Variants in ERBB4 observed in about 807,000 individuals in gnomAD.
ERBB4 encodes the protein receptor tyrosine-protein kinase erbB-4.
Under a neutral mutation model 158.0 loss-of-function variants are expected in ERBB4, and 42 were observed. The ratio of observed to expected loss-of-function variants is 0.27; its 90% confidence interval spans 0.21 to 0.34. The LOEUF is 0.34. ERBB4 is among the 10% of genes least tolerant of loss of function. The probability of loss-of-function intolerance (pLI) is 1.00; values close to 1 mark genes in which losing one functional copy is unlikely to be tolerated. For missense variants in ERBB4, 1,333 were observed against 1,624.1 expected (o/e 0.82, Z 3.08); for synonymous variants, 583 against 558.7 (o/e 1.04, Z -0.61).
rs527352578 is a variant in ERBB4 at position 211,491,555 on chromosome 2, C to T, written c.2488-60455G>A. 2.2e-4 allele frequency among the ~76,000 whole-genome samples: 34 copies of T among 152,022 alleles called. No homozygotes were observed. In the East Asian group the frequency reaches 3.9e-3, roughly 17 times the overall value. On this transcript the variant is annotated intron_variant, in intron 20 of 27. Transcript: ENST00000342788. ...GAACTCCATTCTAATTATAAAACTA[C>T]GTACATCATTAAATATTGATTGAAC...
rs1553630513 is a variant in ERBB4, at chr2:211,773,633, T to TATATATA, written c.556+14385_556+14391dup. On this transcript the variant is annotated intron_variant, in intron 4 of 27. Coordinates refer to ENST00000342788, the MANE Select transcript of ERBB4 (RefSeq NM_005235.3). Reference sequence around the variant, plus strand: ...ATATATATATATATATATATATATATATATATATATATATAATATATATAC... The same window carrying TATATATA: ...ATATATATATATATATATATATATATATATATAATATATATATATATAATATATATAC... Among the ~76,000 whole-genome samples, 547 of 102,802 alleles carry TATATATA rather than the reference T, an allele frequency of 5.3e-3. 17 individuals are homozygous for TATATATA. The highest frequency in any genetic ancestry group is 0.017 in the African/African-American group (371 of 21,952). The allele number at this position is 102,802 out of a possible 152,430, so 67.4% of individuals were successfully genotyped here. A position where few individuals can be genotyped will look rare whatever the true frequency, so the allele number is the denominator to read the frequency against.
chr2:211,968,593 TTC>T (rs1169067028), intron 2 of ERBB4, among the ~76,000 whole-genome samples: 1 of 152,008 alleles, frequency 6.6e-6, no homozygotes, highest in African/African-American at 2.4e-5. Context: ...TATTGCTCTG[TTC>T]TCTTTTTATT....
intron 1 of ERBB4, among the ~76,000 whole-genome samples, chr2:212,316,936 G>C (rs565892036): frequency 3.3e-5 from 5 of 151,596 alleles, no homozygotes; most frequent in African/African-American, 1.2e-4. Context: ...GTACTCAGCT[G>C]CAAGTCGCAG....
intron 2 of ERBB4, among the ~76,000 whole-genome samples, chr2:211,983,258 A>G (rs2081853699): frequency 6.6e-6 from 1 of 152,000 alleles, no homozygotes; most frequent in African/African-American, 2.4e-5. Flanking sequence ...AAAGAAATGG[A>G]GTGATTTAAG....
chr2:212,420,196 C>T (rs952656906), intron 1 of ERBB4, among the ~76,000 whole-genome samples: 1 of 151,948 alleles, frequency 6.6e-6, no homozygotes, highest in Non-Finnish European at 1.5e-5. Context: ...AAAAGTACAG[C>T]CAATTATGTC....
At chr2:211,675,781 A>ATATAT in intron 13 of ERBB4, among the ~76,000 whole-genome samples, 1 of 76,976 alleles carries the variant, frequency 1.3e-5, no homozygotes, top group Non-Finnish European at 2.8e-5. Flanking sequence ...ATATATATAT[A>ATATAT]AAATATAATA....
chr2:212,018,970 C>T (rs188199287), intron 2 of ERBB4, among the ~76,000 whole-genome samples: 4 of 151,986 alleles, frequency 2.6e-5, no homozygotes, highest in Admixed American at 6.6e-5. Flanking sequence ...TGAGGGGGAG[C>T]GGTGGTTATG....
intron 1 of ERBB4, among the ~76,000 whole-genome samples, chr2:212,278,502 G>A (rs773952681): frequency 4.0e-5 from 6 of 151,518 alleles, no homozygotes; most frequent in African/African-American, 9.7e-5. Context: ...AATCACATTG[G>A]GCCAAGCAGA....
intron 4 of ERBB4, among the ~76,000 whole-genome samples, chr2:211,774,853 A>T (rs534137382): frequency 4.2e-4 from 64 of 152,338 alleles, no homozygotes; most frequent in African/African-American, 1.5e-3. Flanking sequence ...ATGTAAGCTT[A>T]TGCAATGGAG....
intron 3 of ERBB4, among the ~76,000 whole-genome samples, chr2:211,896,093 C>T (rs1233222199): frequency 1.3e-5 from 2 of 152,116 alleles, no homozygotes; most frequent in African/African-American, 4.8e-5. Context: ...GGTGTTTTCA[C>T]CAAGTTTCAT....
intron 1 of ERBB4, among the ~76,000 whole-genome samples, chr2:212,503,217 T>A (rs1690995968): frequency 6.6e-6 from 1 of 152,222 alleles, no homozygotes; most frequent in South Asian, 2.1e-4. Flanking sequence ...GTTTTTGTTG[T>A]TGTTTTGTTC....
chr2:212,538,462 G>A lies in ERBB4; in HGVS notation c.69C>T (p.Ser23=), dbSNP rs1407234754. 6.2e-7 allele frequency: 1 copy of A among 1,613,850 alleles called. No individual in the cohort carries two copies. ...GAAGGAACCCACCTGACTGAGAATC[G>A]CTGGGCTGGACGGTCCCCGCCGCCA... ...LLVAAGTVQP[S]DSQSVCAGTE... Residue 23 remains serine (S), a synonymous_variant, in exon 1 of 28, where the codon AGC becomes AGT. Transcript: ENST00000342788.
intron 1 of ERBB4, among the ~76,000 whole-genome samples, chr2:212,171,136 A>G (rs1201306177): frequency 1.3e-5 from 2 of 152,250 alleles, no homozygotes; most frequent in Non-Finnish European, 2.9e-5. Context: ...TTACCTCAGC[A>G]TGACGTGGAT....
rs763041270 is a variant in ERBB4 at position 211,679,021 on chromosome 2, G to A, written c.1622+31C>T. 1.0e-5 allele frequency: 14 copies of A among 1,359,188 alleles called. No homozygotes were observed. The Admixed American group carries it at 2.3e-4, about 22-fold the overall frequency. The allele number at this position is 1,359,188 out of a possible 1,614,324, so 84.2% of individuals were successfully genotyped here. ...AACTAATCAGTCCTTCAAAGCTCAT[G>A]AGGTGAAGGCAACCCTAGAAGAAGC... is the stretch of plus-strand genomic sequence containing the variant. On this transcript the variant is annotated intron_variant, in intron 13 of 27. Coordinates refer to ENST00000342788, the MANE Select transcript of ERBB4 (RefSeq NM_005235.3).
chr2:211,438,812 C>A (rs2063910897), intron 20 of ERBB4, among the ~76,000 whole-genome samples: 1 of 152,092 alleles, frequency 6.6e-6, no homozygotes, highest in Non-Finnish European at 1.5e-5. Context: ...AATTCTCACA[C>A]TTCCAACTGC....
At chr2:211,595,151 T>C (rs2068593126) in intron 19 of ERBB4, among the ~76,000 whole-genome samples, 2 of 152,222 alleles carry the variant, frequency 1.3e-5, no homozygotes, top group Non-Finnish European at 2.9e-5. Flanking sequence ...ATATCATTTC[T>C]GGGATAAATT....
intron 2 of ERBB4, among the ~76,000 whole-genome samples, chr2:211,949,682 C>A (rs2080821583): frequency 6.6e-6 from 1 of 152,068 alleles, no homozygotes; most frequent in African/African-American, 2.4e-5. Context: ...TTAAATTGTG[C>A]ATTATACCCT....
At chr2:211,816,040 C>A (rs371085846) in intron 3 of ERBB4, among the ~76,000 whole-genome samples, 1 of 152,040 alleles carries the variant, frequency 6.6e-6, no homozygotes, top group African/African-American at 2.4e-5. Flanking sequence ...CTGACTCGGA[C>A]TGAGCCACCC....
At chr2:212,388,086 C>T (rs1383641675) in intron 1 of ERBB4, among the ~76,000 whole-genome samples, 1 of 151,902 alleles carries the variant, frequency 6.6e-6, no homozygotes, top group Non-Finnish European at 1.5e-5. Context: ...CTATATAGAT[C>T]CCTTGATATC....
Sources: gnomAD v4.1 joint callset for allele counts (sites outside exome capture counted in the v4.1 genomes callset) on GRCh38, gnomAD v4.1.1 for gene constraint, MANE v1.5 for transcripts, NCBI Gene and HGNC (gene_info 2026-07-23, HGNC 2026-07-21) for gene names.